The following ERBB4 variants were observed in gnomAD, a reference collection of about 807,000 sequenced individuals.
ERBB4 encodes the protein erb-b2 receptor tyrosine kinase 4.
ERBB4 carries 42 observed loss-of-function variants against 158.0 expected under a neutral mutation model. That is an observed-to-expected ratio of 0.27 (90% CI 0.21 to 0.34). The LOEUF is 0.34. ERBB4 is among the 10% of genes least tolerant of loss of function. ERBB4 has a pLI of 1.00. For synonymous variants in ERBB4, 583 were observed against 558.7 expected (o/e 1.04, Z -0.61); for missense variants, 1,333 against 1,624.1 (o/e 0.82, Z 3.08).
At chr2:211,700,057 C>A (rs866034724) in intron 12 of ERBB4, among the ~76,000 whole-genome samples, 2 of 151,912 alleles carry the variant, frequency 1.3e-5, no homozygotes, top group Admixed American at 1.3e-4. Context: ...TTATATATTT[C>A]TTTACATTAT....
At chr2:211,859,520 T>C (rs2077959152) in intron 3 of ERBB4, among the ~76,000 whole-genome samples, 1 of 152,176 alleles carries the variant, frequency 6.6e-6, no homozygotes, top group Non-Finnish European at 1.5e-5. Context: ...AAAAGATGTG[T>C]TATGTTTAAT....
chr2:211,554,520 T>C (rs2125707870), intron 20 of ERBB4, among the ~76,000 whole-genome samples: 1 of 152,302 alleles, frequency 6.6e-6, no homozygotes, highest in African/African-American at 2.4e-5. Flanking sequence ...GGCCTGCAGG[T>C]ACAGGCAGCT....
chr2:211,583,431 A>C (rs1022920782), intron 19 of ERBB4, among the ~76,000 whole-genome samples: 4 of 151,930 alleles, frequency 2.6e-5, no homozygotes, highest in African/African-American at 9.7e-5. Flanking sequence ...ACATCAATAA[A>C]ATGATTAATA....
chr2:211,731,199 G>C (rs1317155829), intron 5 of ERBB4, among the ~76,000 whole-genome samples: 1 of 151,988 alleles, frequency 6.6e-6, no homozygotes, highest in African/African-American at 2.4e-5. Flanking sequence ...AAAGTATCTT[G>C]GGGCAATCCC....
At chr2:212,178,222 G>T (rs1212137188) in intron 1 of ERBB4, among the ~76,000 whole-genome samples, 2 of 151,746 alleles carry the variant, frequency 1.3e-5, no homozygotes, top group East Asian at 3.9e-4. Flanking sequence ...GGTGTGGAAG[G>T]TGATATAATC....
At chr2:211,659,392 C>A (rs1261594258) in intron 15 of ERBB4, among the ~76,000 whole-genome samples, 1 of 151,930 alleles carries the variant, frequency 6.6e-6, no homozygotes. Flanking sequence ...TAGTCAAAAT[C>A]ATTTCTAAAA....
intron 1 of ERBB4, among the ~76,000 whole-genome samples, chr2:212,403,199 A>T (rs1157187572): frequency 6.6e-6 from 1 of 152,104 alleles, no homozygotes; most frequent in East Asian, 1.9e-4. Flanking sequence ...AAAATTGTTA[A>T]ATGTACTTCT....
intron 1 of ERBB4, among the ~76,000 whole-genome samples, chr2:212,269,942 C>T (rs2085283958): frequency 6.6e-6 from 1 of 151,720 alleles, no homozygotes; most frequent in South Asian, 2.1e-4. Context: ...CTGCCTGCTT[C>T]CTCCGTAGTT....
At chr2:212,387,198 T>C (rs2090703936) in intron 1 of ERBB4, among the ~76,000 whole-genome samples, 1 of 152,138 alleles carries the variant, frequency 6.6e-6, no homozygotes. Context: ...GTTTGGTGTA[T>C]GGAACATGAT....
intron 4 of ERBB4, among the ~76,000 whole-genome samples, chr2:211,775,717 C>T (rs556521508): frequency 1.8e-4 from 28 of 152,222 alleles, no homozygotes; most frequent in Non-Finnish European, 3.2e-4. Context: ...GCTGTGTGTA[C>T]GTGCTTCATG....
intron 1 of ERBB4, among the ~76,000 whole-genome samples, chr2:212,496,611 C>G (rs1690588089): frequency 6.6e-6 from 1 of 152,072 alleles, no homozygotes; most frequent in Admixed American, 6.5e-5. Flanking sequence ...AAATTTTGTC[C>G]TTGTGTAACA....
intron 2 of ERBB4, among the ~76,000 whole-genome samples, chr2:212,101,347 A>ATACATATATATATATG (rs1405870046): frequency 6.9e-6 from 1 of 145,528 alleles, no homozygotes; most frequent in Non-Finnish European, 1.5e-5. Context: ...CACACACCCT[A>ATACATATATATATATG]TACATATATA....
At position 211,702,102 on chromosome 2, in the gene ERBB4, C is replaced by T. The variant is rs202247795; in HGVS notation, c.1354G>A (p.Glu452Lys). 2 of 1,614,006 alleles carry T rather than the reference C, an allele frequency of 1.2e-6. No individual in the cohort carries two copies. The highest frequency in any genetic ancestry group is 1.7e-6 in the Non-Finnish European group (2 of 1,179,988). Residue 452 changes from glutamate (E) to lysine (K), a missense_variant, in exon 12 of 28, where the codon GAA becomes AAA. Coordinates refer to ENST00000342788, the MANE Select transcript of ERBB4 (RefSeq NM_005235.3). ...ITSLQFQSLK[E>K]ISAGNIYITD... is the part of the protein sequence containing the mutation. ...ATATAGATGTTTCCTGCGCTGATTT[C>T]CTTCAGGGACTGGAACTGTAGAGAG...
At chr2:211,715,273 C>T (rs1311372833) in intron 7 of ERBB4, among the ~76,000 whole-genome samples, 4 of 152,156 alleles carry the variant, frequency 2.6e-5, no homozygotes, top group African/African-American at 9.7e-5. Context: ...GAAAAATTTG[C>T]ATTCCAAGTC....
intron 1 of ERBB4, among the ~76,000 whole-genome samples, chr2:212,451,244 TGGAGA>T: frequency 6.6e-6 from 1 of 152,304 alleles, no homozygotes; most frequent in South Asian, 2.1e-4. Flanking sequence ...TCTGTGAAGC[TGGAGA>T]GTATTTCAAA....
intron 19 of ERBB4, among the ~76,000 whole-genome samples, chr2:211,599,535 GTTTCC>G (rs2068737338): frequency 6.6e-6 from 1 of 150,484 alleles, no homozygotes; most frequent in Non-Finnish European, 1.5e-5. Context: ...GTGTGTGTGT[GTTTCC>G]TGTCAAGTTA....
At chr2:211,754,270 G>A (rs776410598) in intron 4 of ERBB4, among the ~76,000 whole-genome samples, 7 of 152,116 alleles carry the variant, frequency 4.6e-5, no homozygotes, top group African/African-American at 1.2e-4. Flanking sequence ...TGAGGGCCAC[G>A]AAGAGAGGAA....
At position 211,606,561 on chromosome 2, in the gene ERBB4, T is replaced by A. The variant is rs543591720; in HGVS notation, c.2301+12616A>T. The stretch of plus-strand genomic sequence containing the variant: ...TTTATGGATCTCAAAAGTATAAAGA[T>A]ACACTAAAAATGTTGTTATGGTCAC... On this transcript the variant is annotated intron_variant, in intron 19 of 27. Coordinates refer to ENST00000342788, the MANE Select transcript of ERBB4 (RefSeq NM_005235.3). Among the ~76,000 whole-genome samples the A allele has an allele frequency of 7.2e-5, 11 of 152,140 alleles. No individual in the cohort carries two copies. In the South Asian group the frequency reaches 2.1e-3, roughly 29 times the overall value.
chr2:211,446,589 A>C (rs2064118229), intron 20 of ERBB4, among the ~76,000 whole-genome samples: 1 of 152,162 alleles, frequency 6.6e-6, no homozygotes, highest in East Asian at 1.9e-4. Flanking sequence ...TCTTACTATC[A>C]CCAACAAATG....
Sources: allele counts gnomAD v4.1 joint callset (sites outside exome capture counted in the v4.1 genomes callset), GRCh38; gene constraint gnomAD v4.1.1; transcripts MANE v1.5; gene names NCBI Gene and HGNC (gene_info 2026-07-23, HGNC 2026-07-21).